The following ZNF277 variants were observed in gnomAD, a reference collection of about 807,000 sequenced individuals.
ZNF277 encodes the protein zinc finger protein 277, also known as nuclear receptor-interacting factor 4.
A neutral mutation model predicts 60.7 loss-of-function variants in ZNF277; 55 were observed. The observed-to-expected ratio is 0.91, with a 90% CI of 0.73 to 1.13. The LOEUF (loss-of-function observed/expected upper bound fraction) is 1.13. ZNF277 is among the 50% of genes most tolerant of loss of function. ZNF277 has a pLI of 0.00. For missense variants in ZNF277, 510 were observed against 523.0 expected, an observed-to-expected ratio of 0.98 and a Z score of 0.24; for synonymous variants, 178 against 179.3, an observed-to-expected ratio of 0.99 and a Z score of 0.06.
At chr7:112,295,497 G>A (rs768650186) in intron 2 of ZNF277, among the ~76,000 whole-genome samples, 15 of 152,040 alleles carry the variant, frequency 9.9e-5, no homozygotes, top group Non-Finnish European at 1.6e-4. Flanking sequence ...ACTGCAGAGT[G>A]TGTCATAGCC....
intron 5 of ZNF277, among the ~76,000 whole-genome samples, chr7:112,323,904 A>G (rs1263023479): frequency 6.6e-6 from 1 of 152,244 alleles, no homozygotes; most frequent in African/African-American, 2.4e-5. Context: ...AGGACAAAAA[A>G]TGAGATCAGA....
At chr7:112,256,654 C>T (rs1320090908) in intron 1 of ZNF277, among the ~76,000 whole-genome samples, 1 of 152,026 alleles carries the variant, frequency 6.6e-6, no homozygotes. Context: ...CCATGTTGGC[C>T]AGGCTGGTCT....
chr7:112,300,493 A>G (rs1375571565), intron 4 of ZNF277, among the ~76,000 whole-genome samples: 1 of 152,106 alleles, frequency 6.6e-6, no homozygotes, highest in Admixed American at 6.6e-5. Context: ...ATGTGTATAC[A>G]TATGTTTCTC....
chr7:112,223,568 C>T (rs1822091775), intron 1 of ZNF277, among the ~76,000 whole-genome samples: 2 of 152,196 alleles, frequency 1.3e-5, no homozygotes, highest in Non-Finnish European at 2.9e-5. Flanking sequence ...GATCACAGTT[C>T]ATGAGTCTGC....
At chr7:112,304,005 G>A (rs114856851) in intron 4 of ZNF277, among the ~76,000 whole-genome samples, 1,911 of 152,110 alleles carry the variant, frequency 0.013, 48 homozygotes, top group African/African-American at 0.043. Context: ...CATGGATTTG[G>A]GGGTGTATAT....
intron 4 of ZNF277, among the ~76,000 whole-genome samples, chr7:112,315,816 C>A (rs771658787): frequency 6.6e-6 from 1 of 152,102 alleles, no homozygotes; most frequent in Non-Finnish European, 1.5e-5. Context: ...TTAGTGTGTT[C>A]TAAGCCCCAA....
At chr7:112,222,940 G>A (rs530411127) in intron 1 of ZNF277, among the ~76,000 whole-genome samples, 70 of 152,250 alleles carry the variant, frequency 4.6e-4, no homozygotes, top group African/African-American at 1.4e-3. Context: ...AGAGACTGGC[G>A]TAGCCTCCCA....
chr7:112,231,212 CAAA>C (rs11340888), intron 1 of ZNF277, among the ~76,000 whole-genome samples: 9 of 132,296 alleles, frequency 6.8e-5, no homozygotes, highest in Non-Finnish European at 6.6e-5. Flanking sequence ...GACTCCGTCT[CAAA>C]AAAAAAAAAA....
At chr7:112,332,165 T>C (rs957542709) in intron 7 of ZNF277, among the ~76,000 whole-genome samples, 1 of 152,216 alleles carries the variant, frequency 6.6e-6, no homozygotes, top group Non-Finnish European at 1.5e-5. Context: ...AGTAAGGGCT[T>C]TAACAACGTA....
chr7:112,342,535 T>C, intron 11 of ZNF277, 26 bp from the exon 12 acceptor site: 1 of 1,566,660 alleles, frequency 6.4e-7, no homozygotes, highest in Non-Finnish European at 8.7e-7. Flanking sequence ...GGTAATTTAA[T>C]ACTATGTATC....
chr7:112,269,994 T>C (rs1171602884), intron 1 of ZNF277, among the ~76,000 whole-genome samples: 1 of 152,094 alleles, frequency 6.6e-6, no homozygotes, highest in Non-Finnish European at 1.5e-5. Context: ...GGAAGAGGGC[T>C]AGGGACAGAT....
intron 1 of ZNF277, among the ~76,000 whole-genome samples, chr7:112,234,716 T>C (rs1302222758): frequency 6.6e-6 from 1 of 152,088 alleles, no homozygotes; most frequent in African/African-American, 2.4e-5. Context: ...AAAAATGATA[T>C]CCTACATGAC....
chr7:112,278,289 G>A (rs1171518933), intron 1 of ZNF277, among the ~76,000 whole-genome samples: 1 of 152,100 alleles, frequency 6.6e-6, no homozygotes, highest in East Asian at 1.9e-4. Flanking sequence ...GAAAGTGATG[G>A]CAAAAACAGC....
chr7:112,271,036 T>G (rs1791657695), intron 1 of ZNF277, among the ~76,000 whole-genome samples: 1 of 152,188 alleles, frequency 6.6e-6, no homozygotes, highest in African/African-American at 2.4e-5. Flanking sequence ...AATTGTTGCC[T>G]GAAAGTAAAA....
chr7:112,312,943 T>C (rs969831357), intron 4 of ZNF277, among the ~76,000 whole-genome samples: 1 of 152,118 alleles, frequency 6.6e-6, no homozygotes, highest in African/African-American at 2.4e-5. Flanking sequence ...TTTAAAATAT[T>C]TTTTTCATAT....
intron 2 of ZNF277, among the ~76,000 whole-genome samples, chr7:112,295,136 T>C (rs1792295720): frequency 6.6e-6 from 1 of 152,176 alleles, no homozygotes; most frequent in African/African-American, 2.4e-5. Flanking sequence ...TACCATTCAA[T>C]AAATGAGATT....
chr7:112,265,260 C>T (rs185029316), intron 1 of ZNF277, among the ~76,000 whole-genome samples: 5 of 152,224 alleles, frequency 3.3e-5, no homozygotes, highest in Non-Finnish European at 7.4e-5. Flanking sequence ...AGACTTGAGA[C>T]TCTTCACTTG....
At chr7:112,242,567 A>T (rs1181110361) in intron 1 of ZNF277, among the ~76,000 whole-genome samples, 1 of 138,190 alleles carries the variant, frequency 7.2e-6, no homozygotes, top group Non-Finnish European at 1.6e-5. Flanking sequence ...CAAAAAAAAA[A>T]AAAAAACAAA....
intron 1 of ZNF277, among the ~76,000 whole-genome samples, chr7:112,220,269 T>G (rs1821991198): frequency 1.3e-5 from 2 of 152,184 alleles, no homozygotes; most frequent in Non-Finnish European, 2.9e-5. Flanking sequence ...TACAACTCTT[T>G]GGTTCATTAT....
Sources: allele counts gnomAD v4.1 joint callset (sites outside exome capture counted in the v4.1 genomes callset), GRCh38; gene constraint gnomAD v4.1.1; transcripts MANE v1.5; gene names NCBI Gene and HGNC (gene_info 2026-07-23, HGNC 2026-07-21).